Variants in UBAP1 observed in about 807,000 individuals in gnomAD.
UBAP1 encodes the protein ubiquitin-associated protein 1.
A neutral mutation model predicts 39.0 loss-of-function variants in UBAP1; 5 were observed. The ratio of observed to expected loss-of-function variants is 0.13; its 90% CI spans 0.07 to 0.27. UBAP1 has a LOEUF of 0.27. Among genes scored for constraint, UBAP1 ranks in the 10% least tolerant of loss-of-function variants. The pLI is 1.00. For synonymous variants in UBAP1, 211 were observed against 225.1 expected (o/e 0.94, Z 0.56); for missense variants, 490 against 608.1 (o/e 0.81, Z 2.04).
At chr9:34,233,809 G>GGAGT (rs1245966588) in intron 2 of UBAP1, among the ~76,000 whole-genome samples, 4 of 152,178 alleles carry the variant, frequency 2.6e-5, no homozygotes, top group African/African-American at 9.7e-5. Flanking sequence ...AAAACTTGAA[G>GGAGT]GAGTGAGTCA....
At chr9:34,189,830 T>G (rs765189360) in intron 1 of UBAP1, among the ~76,000 whole-genome samples, 1 of 151,672 alleles carries the variant, frequency 6.6e-6, no homozygotes, top group Non-Finnish European at 1.5e-5. Context: ...GAGACGGTGT[T>G]TCTCCGTGTT....
chr9:34,179,250 G>A lies in UBAP1; in HGVS notation c.-8+10G>A. ...CAGCAGCGGCATTCAGGTGAGGGGG[G>A]CCTCCCTCTGGGGGAGGGGGAAGAG... On this transcript the variant is annotated intron_variant, in intron 1 of 6. Coordinates refer to ENST00000297661, the MANE Select transcript of UBAP1 (RefSeq NM_016525.5). 1 of 1,079,270 alleles carries A rather than the reference G, an allele frequency of 9.3e-7. No homozygotes were observed. The highest frequency in any genetic ancestry group is 1.1e-6 in the Non-Finnish European group (1 of 887,378). The allele number at this position is 1,079,270 out of a possible 1,614,324, so 66.9% of individuals were successfully genotyped here. A position where few individuals can be genotyped will look rare whatever the true frequency, so the allele number is the denominator to read the frequency against.
chr9:34,209,796 A>T (rs535318822), intron 1 of UBAP1, among the ~76,000 whole-genome samples: 1 of 152,052 alleles, frequency 6.6e-6, no homozygotes, highest in Non-Finnish European at 1.5e-5. Context: ...GTTGCATACC[A>T]GTTTTTTTCC....
At position 34,251,648 on chromosome 9, in the gene UBAP1, G is replaced by T; in HGVS notation, c.*116G>T. ...CGGATTTTCTTTTGGGGGTTAGAAGGTCAGGTGTGGAGACTGCTCGCCAGT... is the reference window on the plus strand; with the variant it reads ...CGGATTTTCTTTTGGGGGTTAGAAGTTCAGGTGTGGAGACTGCTCGCCAGT... On this transcript the variant is annotated 3_prime_UTR_variant, in exon 7 of 7. Transcript: ENST00000297661. 1 of 1,220,666 alleles carries T rather than the reference G, an allele frequency of 8.2e-7. No individual in the cohort carries two copies. The highest frequency in any genetic ancestry group is 1.5e-5 in the South Asian group (1 of 65,324). The allele number at this position is 1,220,666 out of a possible 1,614,324, so 75.6% of individuals were successfully genotyped here.
chr9:34,192,640 A>G (rs141919455), intron 1 of UBAP1, among the ~76,000 whole-genome samples: 61 of 150,404 alleles, frequency 4.1e-4, no homozygotes, highest in Admixed American at 1.1e-3. Flanking sequence ...GGGTCTTGCT[A>G]TGTTGCCCAG....
At chr9:34,185,323 G>A (rs376323146) in intron 1 of UBAP1, among the ~76,000 whole-genome samples, 5 of 152,274 alleles carry the variant, frequency 3.3e-5, no homozygotes, top group African/African-American at 4.8e-5. Context: ...CCAGGCGGGC[G>A]GATTGCTTGA....
chr9:34,180,992 T>A (rs1323292028), intron 1 of UBAP1, among the ~76,000 whole-genome samples: 1 of 151,908 alleles, frequency 6.6e-6, no homozygotes, highest in East Asian at 1.9e-4. Context: ...TGTATTTTAG[T>A]AGAGACGGGG....
At chr9:34,222,058 G>T (rs1056596666) in intron 2 of UBAP1, among the ~76,000 whole-genome samples, 1 of 151,964 alleles carries the variant, frequency 6.6e-6, no homozygotes, top group Non-Finnish European at 1.5e-5. Context: ...GATCCCAGAA[G>T]TTTGAAGTTG....
In UBAP1 at chr9:34,201,810, A is replaced by T. The variant is rs181917222; in HGVS notation, c.-7-19098A>T. Among the ~76,000 whole-genome samples the T allele has an allele frequency of 5.5e-4, 84 of 152,244 alleles. 1 individual carries two copies. The highest frequency in any genetic ancestry group is 5.4e-3 in the Admixed American group (82 of 15,282). On this transcript the variant is annotated intron_variant, in intron 1 of 6. Coordinates refer to ENST00000297661, the MANE Select transcript of UBAP1 (RefSeq NM_016525.5). ...TCTCCAAGATTGCCCCCTAGCACTC[A>T]TCAGTCACAAGTCTGGGCCTCAAGT...
chr9:34,244,116 G>T (rs1834106006), intron 4 of UBAP1, among the ~76,000 whole-genome samples: 1 of 152,112 alleles, frequency 6.6e-6, no homozygotes, highest in Admixed American at 6.6e-5. Context: ...CCAAATGCTG[G>T]GATTACAGGT....
At chr9:34,183,113 T>A (rs566535000) in intron 1 of UBAP1, among the ~76,000 whole-genome samples, 153 of 152,260 alleles carry the variant, frequency 1.0e-3, no homozygotes, top group African/African-American at 3.3e-3. Context: ...TGTATTGAAA[T>A]TTTTCAAATG....
At chr9:34,249,070 C>G (rs934140675) in intron 4 of UBAP1, among the ~76,000 whole-genome samples, 1 of 152,146 alleles carries the variant, frequency 6.6e-6, no homozygotes, top group Non-Finnish European at 1.5e-5. Flanking sequence ...CTGCCTGTAG[C>G]TGGTGGGCAG....
chr9:34,207,295 C>T (rs1401288589), intron 1 of UBAP1, among the ~76,000 whole-genome samples: 1 of 150,978 alleles, frequency 6.6e-6, no homozygotes, highest in African/African-American at 2.4e-5. Flanking sequence ...ATCTACCCAC[C>T]TCAGCCTCCC....
chr9:34,202,393 A>G (rs1009066478), intron 1 of UBAP1, among the ~76,000 whole-genome samples: 1 of 151,950 alleles, frequency 6.6e-6, no homozygotes, highest in African/African-American at 2.4e-5. Context: ...CAGCCTCCCA[A>G]AATGCTGGGA....
At chr9:34,229,740 T>A (rs1157545775) in intron 2 of UBAP1, among the ~76,000 whole-genome samples, 1 of 152,176 alleles carries the variant, frequency 6.6e-6, no homozygotes, top group Admixed American at 6.5e-5. Context: ...GGTTTCACCA[T>A]GTTGGCCAGG....
At chr9:34,250,609 C>T (rs777566202) in intron 5 of UBAP1, 49 bp from the exon 6 acceptor site, 2 of 1,495,140 alleles carry the variant, frequency 1.3e-6, no homozygotes, top group Non-Finnish European at 1.8e-6. Context: ...TCTTGGAAAG[C>T]ACAGCAAAGA....
intron 6 of UBAP1, among the ~76,000 whole-genome samples, chr9:34,251,103 T>C (rs1388961609): frequency 1.3e-5 from 2 of 152,182 alleles, no homozygotes; most frequent in Non-Finnish European, 2.9e-5. Context: ...TATCCTTCCT[T>C]GGTGGGAAGA....
chr9:34,210,178 C>T (rs564183764), intron 1 of UBAP1, among the ~76,000 whole-genome samples: 1 of 152,256 alleles, frequency 6.6e-6, no homozygotes, highest in Admixed American at 6.5e-5. Context: ...AATCAGGGTA[C>T]TGTGACCTCT....
At chr9:34,201,796 G>A (rs906646457) in intron 1 of UBAP1, among the ~76,000 whole-genome samples, 9 of 152,040 alleles carry the variant, frequency 5.9e-5, no homozygotes, top group Non-Finnish European at 1.2e-4. Context: ...CTCCAAGATT[G>A]CCCCCTAGCA....
Sources: allele counts gnomAD v4.1 joint callset (sites outside exome capture counted in the v4.1 genomes callset), GRCh38; gene constraint gnomAD v4.1.1; transcripts MANE v1.5; gene names NCBI Gene and HGNC (gene_info 2026-07-23, HGNC 2026-07-21).